Variants in SLC4A4 observed in about 807,000 individuals in gnomAD.
SLC4A4 encodes the protein solute carrier family 4 member 4.
In SLC4A4, 27 loss-of-function variants were observed where a neutral mutation model predicts 111.5. That is an observed-to-expected ratio of 0.24 (90% CI 0.18 to 0.33). The LOEUF (loss-of-function observed/expected upper bound fraction) is 0.33, where lower values mean the gene tolerates loss of function less well. SLC4A4 is among the 10% of genes least tolerant of loss of function. The pLI is 1.00. For synonymous variants in SLC4A4, 443 were observed against 463.4 expected, an observed-to-expected ratio of 0.96 and a Z score of 0.57; for missense variants, 909 against 1,315.5, an observed-to-expected ratio of 0.69 and a Z score of 4.78.
intron 2 of SLC4A4, among the ~76,000 whole-genome samples, chr4:71,170,265 G>A (rs986585672): frequency 2.0e-5 from 3 of 152,184 alleles, no homozygotes; most frequent in African/African-American, 7.2e-5. Flanking sequence ...CCTGAAGACA[G>A]TGGCCTTGTC....
intron 1 of SLC4A4, among the ~76,000 whole-genome samples, chr4:71,205,323 C>T (rs1303732651): frequency 1.3e-5 from 2 of 152,168 alleles, no homozygotes; most frequent in East Asian, 1.9e-4. Context: ...GTGATTATTT[C>T]TGATGAATGT....
At chr4:71,515,588 G>C (rs372140522) in intron 16 of SLC4A4, among the ~76,000 whole-genome samples, 1 of 152,098 alleles carries the variant, frequency 6.6e-6, no homozygotes, top group Admixed American at 6.6e-5. Flanking sequence ...ATCTTCTACT[G>C]TTATTGTATT....
At chr4:71,115,303 G>A (rs10032264) in intron 2 of SLC4A4, among the ~76,000 whole-genome samples, 10,250 of 151,500 alleles carry the variant, frequency 0.068, 675 homozygotes, top group African/African-American at 0.17. Context: ...AACCTGCACA[G>A]TGTGCACATG....
At chr4:71,311,228 C>G (rs1407556721) in intron 3 of SLC4A4, among the ~76,000 whole-genome samples, 2 of 152,218 alleles carry the variant, frequency 1.3e-5, no homozygotes, top group South Asian at 4.2e-4. Flanking sequence ...GACTTAGACT[C>G]CCACACAGTA....
chr4:71,139,863 T>C (rs1743948525), intron 2 of SLC4A4, among the ~76,000 whole-genome samples: 1 of 152,230 alleles, frequency 6.6e-6, no homozygotes, highest in Admixed American at 6.5e-5. Flanking sequence ...TTTCAAATTC[T>C]CTCTTCTAGC....
At chr4:71,368,478 TC>T (rs71213505) in intron 6 of SLC4A4, among the ~76,000 whole-genome samples, 32,048 of 152,172 alleles carry the variant, frequency 0.21, 4,603 homozygotes, top group Non-Finnish European at 0.32. Context: ...GAAATTGAGA[TC>T]CAGCTCTATA....
At chr4:71,127,614 G>T (rs1017207649) in intron 2 of SLC4A4, among the ~76,000 whole-genome samples, 23 of 151,902 alleles carry the variant, frequency 1.5e-4, no homozygotes, top group African/African-American at 5.3e-4. Flanking sequence ...TTTTTTCAGA[G>T]ATGACCAAAA....
At chr4:71,289,730 A>G (rs1724189337) in intron 3 of SLC4A4, among the ~76,000 whole-genome samples, 1 of 152,222 alleles carries the variant, frequency 6.6e-6, no homozygotes, top group Admixed American at 6.5e-5. Flanking sequence ...AGAAAGATAT[A>G]TGTGAGGCCA....
At position 71,282,890 on chromosome 4, in the gene SLC4A4, A is replaced by G. The variant is rs984085421; in HGVS notation, c.253+27491A>G. Among the ~76,000 whole-genome samples, 10 of 152,134 alleles carry G rather than the reference A, an allele frequency of 6.6e-5. No homozygotes were observed. In the South Asian group the frequency reaches 2.1e-3, roughly 32 times the overall value. ...CCATGCTTGCTCAGATTTTTTAATT[A>G]GACCAAAAACCCTGGGAATCTGTAC... On this transcript the variant is annotated intron_variant, in intron 3 of 25. Coordinates refer to ENST00000264485, the MANE Select transcript of SLC4A4 (RefSeq NM_001098484.3).
intron 23 of SLC4A4, among the ~76,000 whole-genome samples, chr4:71,562,337 AC>A (rs1244095935): frequency 6.6e-6 from 1 of 151,782 alleles, no homozygotes; most frequent in African/African-American, 2.4e-5. Flanking sequence ...GCTCCACATT[AC>A]AAATGTGGTT....
Position 71,286,649 on chromosome 4 carries a change from T to C in SLC4A4, c.253+31250T>C, listed in dbSNP as rs1034616412. On this transcript the variant is annotated intron_variant, in intron 3 of 25. Transcript: ENST00000264485. ...CTCCTATTTGTGTATAGCTATACCA[T>C]TAAACAGTATTTTCACTTAGTTTGT... Among the ~76,000 whole-genome samples, 4 of 152,364 alleles carry C rather than the reference T, an allele frequency of 2.6e-5. No homozygotes were observed. The South Asian group carries it at 8.3e-4, about 32-fold the overall frequency.
At chr4:71,205,713 G>T (rs1484661064) in intron 1 of SLC4A4, among the ~76,000 whole-genome samples, 1 of 152,082 alleles carries the variant, frequency 6.6e-6, no homozygotes, top group Non-Finnish European at 1.5e-5. Flanking sequence ...AAATTTGAAT[G>T]AAAATAAAAT....
Position 71,406,322 on chromosome 4 carries a change from CT to C in SLC4A4, c.807+8679del, listed in dbSNP as rs11429746. Reference sequence around the variant, plus strand: ...TGGCTAATAAAAAGATGAGCCAACACTTTTTTTTTTAACATGTTGGGGCATA... The same window carrying C: ...TGGCTAATAAAAAGATGAGCCAACACTTTTTTTTTAACATGTTGGGGCATA... On this transcript the variant is annotated intron_variant, in intron 7 of 25. Transcript: ENST00000264485. 2.7e-5 allele frequency among the ~76,000 whole-genome samples: 4 copies of C among 149,710 alleles called. No individual in the cohort carries two copies. In the East Asian group the frequency reaches 7.8e-4, roughly 29 times the overall value.
At chr4:71,267,979 G>T (rs1407918451) in intron 3 of SLC4A4, among the ~76,000 whole-genome samples, 1 of 147,020 alleles carries the variant, frequency 6.8e-6, no homozygotes, top group East Asian at 2.0e-4. Flanking sequence ...TCTCAACATT[G>T]TTTATCTGCA....
At chr4:71,331,715 G>A (rs933574079) in intron 3 of SLC4A4, among the ~76,000 whole-genome samples, 2 of 149,650 alleles carry the variant, frequency 1.3e-5, no homozygotes, top group Non-Finnish European at 3.0e-5. Flanking sequence ...ATGTACCCTA[G>A]GACTTAAAGT....
intron 1 of SLC4A4, among the ~76,000 whole-genome samples, chr4:71,201,521 G>C (rs1029354140): frequency 2.0e-5 from 3 of 152,196 alleles, no homozygotes; most frequent in African/African-American, 7.2e-5. Flanking sequence ...TATGACGGGG[G>C]ACTCTGTGCT....
chr4:71,501,024 T>C (rs1730874223), intron 16 of SLC4A4, among the ~76,000 whole-genome samples: 1 of 152,228 alleles, frequency 6.6e-6, no homozygotes, highest in South Asian at 2.1e-4. Context: ...GGGTTTGCTT[T>C]GCATCAGTAG....
At chr4:71,292,026 TTTTA>T (rs140890708) in intron 3 of SLC4A4, among the ~76,000 whole-genome samples, 4,585 of 152,290 alleles carry the variant, frequency 0.03, 119 homozygotes, top group Non-Finnish European at 0.046. Flanking sequence ...AGTCATACTC[TTTTA>T]GTTATTTTAA....
intron 3 of SLC4A4, among the ~76,000 whole-genome samples, chr4:71,323,396 A>T (rs918940492): frequency 2.6e-5 from 4 of 152,050 alleles, no homozygotes; most frequent in Non-Finnish European, 5.9e-5. Context: ...ACAAACAACA[A>T]GAAAGAATTT....
Sources: allele counts gnomAD v4.1 joint callset (sites outside exome capture counted in the v4.1 genomes callset), GRCh38; gene constraint gnomAD v4.1.1; transcripts MANE v1.5; gene names NCBI Gene and HGNC (gene_info 2026-07-23, HGNC 2026-07-21).